The following CAST variants were observed in gnomAD, a reference collection of about 807,000 sequenced individuals.
CAST encodes MIR583 host.
In CAST, 76 loss-of-function variants were observed where a neutral mutation model predicts 119.6. The observed-to-expected ratio is 0.64, with a 90% CI of 0.53 to 0.77. The LOEUF is 0.77. CAST is among the 30% of genes least tolerant of loss of function. CAST has a pLI of 0.00. For missense variants in CAST, 953 were observed against 946.5 expected (o/e 1.01, Z -0.09); for synonymous variants, 319 against 331.6 (o/e 0.96, Z 0.41).
At chr5:96,094,084 T>A in the CAST span, among the ~76,000 whole-genome samples, 1 of 152,238 alleles carries the variant, frequency 6.6e-6, no homozygotes, top group Non-Finnish European at 1.5e-5. Flanking sequence ...TTGCACCTAC[T>A]GTCTGATTAT....
At chr5:96,107,736 C>A in the CAST span, among the ~76,000 whole-genome samples, 1 of 152,030 alleles carries the variant, frequency 6.6e-6, no homozygotes, top group Admixed American at 6.6e-5. Flanking sequence ...ATCTTTGTGG[C>A]GTTCTCTGTA....
chr5:96,666,287 CTCTG>C (rs1749334356), intron 1 of CAST, among the ~76,000 whole-genome samples: 2 of 149,254 alleles, frequency 1.3e-5, no homozygotes, highest in African/African-American at 4.9e-5. Flanking sequence ...CACCACACAA[CTCTG>C]CAGAGCTAAA....
chr5:96,639,353 T>C (rs1235933049), intron 1 of CAST, among the ~76,000 whole-genome samples: 3 of 152,230 alleles, frequency 2.0e-5, no homozygotes, highest in Non-Finnish European at 4.4e-5. Context: ...GTGGGCTGGC[T>C]GGAGAGATAG....
the CAST span, among the ~76,000 whole-genome samples, chr5:96,218,184 A>G: frequency 6.6e-6 from 1 of 152,312 alleles, no homozygotes; most frequent in East Asian, 1.9e-4. Flanking sequence ...CTAGGTGAAC[A>G]CTGACCATGT....
Position 96,766,080 on chromosome 5 carries a change from A to C in CAST, c.2065A>C (p.Lys689Gln). 6.2e-7 allele frequency: 1 copy of C among 1,609,082 alleles called. No homozygotes were observed. Among genetic ancestry groups the C allele is most frequent in the Non-Finnish European group, 8.5e-7 (1 of 1,176,118 alleles). The change falls in exon 27 of 32, where the codon AAG (lysine) becomes CAG (glutamine). Residue 689 changes from lysine to glutamine, a missense_variant. Lys to Gln is a moderately conservative substitution (Grantham distance 53). Transcript: ENST00000675179. Reference sequence around the variant, plus strand: ...AAAAGCTAAAGCTGAACATAGAGACAAGCTTGGAGAAAGAGATGACACTAT... The same window carrying C: ...AAAAGCTAAAGCTGAACATAGAGACCAGCTTGGAGAAAGAGATGACACTAT... ...KEKAKAEHRD[K>Q]LGERDDTIPP... is the part of the protein sequence containing the mutation.
intron 6 of CAST, 117 bp from the exon 7 acceptor site, chr5:96,729,036 G>C (rs1759916030): frequency 1.5e-6 from 1 of 666,444 alleles, no homozygotes; most frequent in African/African-American, 1.8e-5. Flanking sequence ...GTGGGCCTAA[G>C]CGGGCTTTTC....
intron 1 of CAST, among the ~76,000 whole-genome samples, chr5:96,626,195 GT>G (rs1747718827): frequency 6.6e-6 from 1 of 152,206 alleles, no homozygotes; most frequent in Admixed American, 6.5e-5. Flanking sequence ...CAAGGGGCCT[GT>G]AGCCTTTGGA....
At chr5:96,200,470 G>A in the CAST span, among the ~76,000 whole-genome samples, 2 of 152,038 alleles carry the variant, frequency 1.3e-5, no homozygotes, top group African/African-American at 4.8e-5. Flanking sequence ...TCTGCCAACC[G>A]GAAAGAGACT....
rs1581454518 is a variant in CAST, at chr5:96,770,511, T to A, written c.2269-20T>A. The stretch of plus-strand genomic sequence containing the variant: ...TGGATTGGTGATAGCCATAGCCTCA[T>A]TACATTTCCTTTGCTTTAGGATAAG... On this transcript the variant is annotated intron_variant, in intron 29 of 31. Coordinates refer to ENST00000675179, the MANE Select transcript of CAST (RefSeq NM_001750.7). The A allele has an allele frequency of 6.3e-7, 1 of 1,577,106 alleles. No individual in the cohort carries two copies. Among genetic ancestry groups the A allele is most frequent in the Non-Finnish European group, 8.7e-7 (1 of 1,146,832 alleles).
chr5:96,217,697 T>C, the CAST span, among the ~76,000 whole-genome samples: 1 of 152,222 alleles, frequency 6.6e-6, no homozygotes, highest in Non-Finnish European at 1.5e-5. Context: ...AGAAATATAA[T>C]GCTGAATGAC....
the CAST span, among the ~76,000 whole-genome samples, chr5:96,491,972 C>T: frequency 1.3e-5 from 2 of 152,202 alleles, no homozygotes; most frequent in Non-Finnish European, 2.9e-5. Context: ...GCCAGTATAA[C>T]ATTCATCTCC....
chr5:96,632,526 G>A (rs1217386331), intron 1 of CAST, among the ~76,000 whole-genome samples: 1 of 152,000 alleles, frequency 6.6e-6, no homozygotes, highest in East Asian at 1.9e-4. Context: ...GCTAATCCCA[G>A]GTCTTAAAGA....
the CAST span, among the ~76,000 whole-genome samples, chr5:96,088,738 T>C: frequency 6.6e-6 from 1 of 152,222 alleles, no homozygotes; most frequent in African/African-American, 2.4e-5. Flanking sequence ...AGTCTCTCTT[T>C]AGTGTTAGGT....
the CAST span, among the ~76,000 whole-genome samples, chr5:96,383,979 C>A: frequency 1.3e-5 from 2 of 152,010 alleles, no homozygotes; most frequent in Non-Finnish European, 2.9e-5. Flanking sequence ...GAGTAGGAGG[C>A]CGACCTGAGT....
At chr5:96,510,047 A>G in the CAST span, among the ~76,000 whole-genome samples, 42,786 of 152,090 alleles carry the variant, frequency 0.28, 7,070 homozygotes, top group Middle Eastern at 0.39. Flanking sequence ...AGAAAGTCAC[A>G]ATATACTATT....
chr5:96,148,262 A>C, the CAST span, among the ~76,000 whole-genome samples: 1 of 152,230 alleles, frequency 6.6e-6, no homozygotes, highest in South Asian at 2.1e-4. Context: ...CTTAATCAAC[A>C]CCTCTGATAT....
chr5:96,722,493 C>T, intron 3 of CAST, 146 bp from the exon 4 acceptor site: 3 of 633,174 alleles, frequency 4.7e-6, no homozygotes, highest in Non-Finnish European at 5.7e-6. Context: ...CACTACTGGA[C>T]ACCACCTCCT....
upstream of CAST, among the ~76,000 whole-genome samples, chr5:96,521,080 T>C (rs555445244): frequency 4.6e-5 from 7 of 152,292 alleles, no homozygotes; most frequent in East Asian, 1.2e-3. Context: ...CAACACATCT[T>C]GTATAGACCA....
the CAST span, among the ~76,000 whole-genome samples, chr5:96,338,352 T>C: frequency 2.0e-5 from 3 of 152,256 alleles, no homozygotes; most frequent in African/African-American, 4.8e-5. Context: ...ACTTCTGCTT[T>C]CTTCATACTT....
Sources: allele counts gnomAD v4.1 joint callset (sites outside exome capture counted in the v4.1 genomes callset), GRCh38; gene constraint gnomAD v4.1.1; transcripts MANE v1.5; gene names NCBI Gene and HGNC (gene_info 2026-07-23, HGNC 2026-07-21).